The following TGFA variants were observed in gnomAD, a reference collection of about 807,000 sequenced individuals.
TGFA encodes protransforming growth factor alpha.
In TGFA, 12 loss-of-function variants were observed where a neutral mutation model predicts 21.7. That is an observed-to-expected ratio of 0.55 (90% CI 0.35 to 0.90). The LOEUF (loss-of-function observed/expected upper bound fraction) is 0.90. Among genes scored for constraint, TGFA ranks in the 40% least tolerant of loss-of-function variants. TGFA has a pLI of 0.01. For missense variants in TGFA, 178 were observed against 210.8 expected (o/e 0.84, Z 0.96); for synonymous variants, 79 against 88.1 (o/e 0.90, Z 0.58).
At chr2:70,553,082 C>T (rs1257940486) in intron 1 of TGFA, 16 of 1,233,624 alleles carry the variant, frequency 1.3e-5, no homozygotes, top group South Asian at 2.8e-5. Flanking sequence ...TGGCAACACT[C>T]GGTCTAGGGT....
chr2:70,519,108 T>G (rs567296378), intron 1 of TGFA, among the ~76,000 whole-genome samples: 1 of 152,044 alleles, frequency 6.6e-6, no homozygotes, highest in South Asian at 2.1e-4. Context: ...GGCGGGAGGA[T>G]AGGAATTGTG....
chr2:70,478,518 C>A (rs1365563963), intron 2 of TGFA, among the ~76,000 whole-genome samples: 3 of 152,066 alleles, frequency 2.0e-5, no homozygotes, highest in Admixed American at 2.0e-4. Flanking sequence ...AAAAGCATGA[C>A]CATCCTGGCC....
intron 1 of TGFA, among the ~76,000 whole-genome samples, chr2:70,531,811 A>G (rs1180137524): frequency 6.6e-6 from 1 of 152,268 alleles, no homozygotes; most frequent in Non-Finnish European, 1.5e-5. Context: ...AAAGTATGTC[A>G]TCAATGAAAA....
intron 1 of TGFA, among the ~76,000 whole-genome samples, chr2:70,549,700 T>C (rs1260701221): frequency 6.6e-6 from 1 of 152,212 alleles, no homozygotes; most frequent in Non-Finnish European, 1.5e-5. Flanking sequence ...AGGACCTTGT[T>C]CAAGACACAC....
chr2:70,544,047 C>G (rs1259802497), intron 1 of TGFA, among the ~76,000 whole-genome samples: 1 of 151,980 alleles, frequency 6.6e-6, no homozygotes, highest in Non-Finnish European at 1.5e-5. Context: ...TTATTGCCTC[C>G]TGCTTTAAAA....
At chr2:70,479,435 T>C (rs1671041524) in intron 2 of TGFA, among the ~76,000 whole-genome samples, 1 of 152,180 alleles carries the variant, frequency 6.6e-6, no homozygotes, top group African/African-American at 2.4e-5. Context: ...TAACCTGCTT[T>C]TATTTTCACT....
At chr2:70,470,033 G>A (rs183835907) in intron 2 of TGFA, among the ~76,000 whole-genome samples, 117 of 152,192 alleles carry the variant, frequency 7.7e-4, no homozygotes, top group African/African-American at 2.6e-3. Flanking sequence ...ACAAGTGTGT[G>A]TGGGAGAAAC....
At chr2:70,540,513 C>T (rs1404887980) in intron 1 of TGFA, among the ~76,000 whole-genome samples, 4 of 152,186 alleles carry the variant, frequency 2.6e-5, no homozygotes, top group South Asian at 2.1e-4. Flanking sequence ...GTTTACCCCA[C>T]ATCTTACACC....
In TGFA at chr2:70,518,569, G is replaced by T. The variant is rs1025569213; in HGVS notation, c.41-3657C>A. On this transcript the variant is annotated intron_variant, in intron 1 of 5. Coordinates refer to ENST00000295400, the MANE Select transcript of TGFA (RefSeq NM_003236.4). ...ATGTGCTGATGTGTCAATGGGAAAT[G>T]CTCTTAAGAGAGGCTGGACACCCCT... is the stretch of plus-strand genomic sequence containing the variant. Among the ~76,000 whole-genome samples the T allele has an allele frequency of 3.9e-5, 6 of 152,194 alleles. No individual in the cohort carries two copies. The South Asian group carries it at 1.2e-3, about 31-fold the overall frequency.
intron 1 of TGFA, among the ~76,000 whole-genome samples, chr2:70,536,690 G>A (rs1672977814): frequency 1.3e-5 from 2 of 152,184 alleles, no homozygotes; most frequent in South Asian, 4.1e-4. Flanking sequence ...GTGGGATGCA[G>A]CAAAAGCAGT....
chr2:70,532,858 T>G (rs1672854131), intron 1 of TGFA, among the ~76,000 whole-genome samples: 1 of 99,356 alleles, frequency 1.0e-5, no homozygotes. Flanking sequence ...AAGTGTATAT[T>G]CTTTTTCTTT....
chr2:70,524,763 A>T (rs1672584852), intron 1 of TGFA, among the ~76,000 whole-genome samples: 1 of 152,212 alleles, frequency 6.6e-6, no homozygotes, highest in African/African-American at 2.4e-5. Flanking sequence ...GGCAGATGCT[A>T]TAGCTATCCA....
intron 2 of TGFA, among the ~76,000 whole-genome samples, chr2:70,510,327 C>T (rs1553500770): frequency 6.6e-6 from 1 of 152,170 alleles, no homozygotes; most frequent in Non-Finnish European, 1.5e-5. Flanking sequence ...ACTTCCCTAC[C>T]TTGGGCCTAT....
chr2:70,498,953 C>G (rs995659421), intron 2 of TGFA, among the ~76,000 whole-genome samples: 2 of 152,080 alleles, frequency 1.3e-5, no homozygotes, highest in Non-Finnish European at 2.9e-5. Context: ...TTACTGATGC[C>G]TGGATGCCAT....
At chr2:70,479,252 T>A (rs1443111295) in intron 2 of TGFA, among the ~76,000 whole-genome samples, 1 of 152,248 alleles carries the variant, frequency 6.6e-6, no homozygotes, top group Non-Finnish European at 1.5e-5. Context: ...GAAAAGTATA[T>A]CCATATAACG....
intron 2 of TGFA, among the ~76,000 whole-genome samples, chr2:70,504,479 T>TACAC (rs1361394841): frequency 0.029 from 2,514 of 86,870 alleles, 36 homozygotes; most frequent in Middle Eastern, 0.038. Flanking sequence ...CATACATACA[T>TACAC]ACATACACAC....
chr2:70,464,889 G>C (rs1670504575), intron 3 of TGFA, among the ~76,000 whole-genome samples: 1 of 152,118 alleles, frequency 6.6e-6, no homozygotes, highest in African/African-American at 2.4e-5. Context: ...CCCCTAACTG[G>C]TCTAACCCTA....
chr2:70,532,816 A>G lies in TGFA; in HGVS notation c.41-17904T>C, dbSNP rs545355378. Among the ~76,000 whole-genome samples, 9 of 152,066 alleles carry G rather than the reference A, an allele frequency of 5.9e-5. No individual in the cohort carries two copies. The East Asian group carries it at 1.7e-3, about 29-fold the overall frequency. Reference sequence around the variant, plus strand: ...CCAGAAAGTGCTGTTCCCTGATTGTAGGTGGTGAAGCACATCTCTGAATAA... The same window carrying G: ...CCAGAAAGTGCTGTTCCCTGATTGTGGGTGGTGAAGCACATCTCTGAATAA... On this transcript the variant is annotated intron_variant, in intron 1 of 5. Transcript: ENST00000295400.
intron 1 of TGFA, among the ~76,000 whole-genome samples, chr2:70,522,560 G>C (rs1553502455): frequency 4.6e-5 from 7 of 152,112 alleles, no homozygotes; most frequent in Non-Finnish European, 2.9e-5. Context: ...TCAGCCTCCT[G>C]AATAGCTGGG....
Sources: allele counts gnomAD v4.1 joint callset (sites outside exome capture counted in the v4.1 genomes callset), GRCh38; gene constraint gnomAD v4.1.1; transcripts MANE v1.5; gene names NCBI Gene and HGNC (gene_info 2026-07-23, HGNC 2026-07-21).